ARSB: variants seen among roughly 807,000 people sequenced by gnomAD.
The protein encoded by ARSB is N-acetylgalactosamine-4-sulfatase.
ARSB carries 41 observed loss-of-function variants against 50.9 expected under a neutral mutation model. The ratio of observed to expected loss-of-function variants is 0.81; its 90% CI spans 0.63 to 1.04. The LOEUF (loss-of-function observed/expected upper bound fraction) is 1.04. Ranked by LOEUF, ARSB falls within the 50% of genes least tolerant of loss-of-function variation. The pLI is 0.00. For missense variants in ARSB, 672 were observed against 693.3 expected (o/e 0.97, Z 0.35); for synonymous variants, 269 against 284.8 (o/e 0.94, Z 0.56).
intron 4 of ARSB, among the ~76,000 whole-genome samples, chr5:78,941,233 G>C (rs1236975859): frequency 1.3e-5 from 2 of 151,318 alleles, no homozygotes; most frequent in African/African-American, 4.9e-5. Context: ...TCTGCAAACA[G>C]GGACAATTTG....
chr5:78,816,860 T>C (rs1431984902), intron 6 of ARSB, among the ~76,000 whole-genome samples: 1 of 152,276 alleles, frequency 6.6e-6, no homozygotes, highest in South Asian at 2.1e-4. Flanking sequence ...CTGAGCAAGC[T>C]TGGAAGAAGG....
chr5:78,793,674 C>G (rs1743066987), intron 6 of ARSB, among the ~76,000 whole-genome samples: 1 of 152,150 alleles, frequency 6.6e-6, no homozygotes, highest in Non-Finnish European at 1.5e-5. Flanking sequence ...ACTTCTTGAA[C>G]TAGTCCTAGT....
chr5:78,969,516 G>GA (rs1200683651), intron 1 of ARSB, among the ~76,000 whole-genome samples: 1 of 152,188 alleles, frequency 6.6e-6, no homozygotes, highest in Non-Finnish European at 1.5e-5. Context: ...AATCTAACAA[G>GA]AAAAAAGCGT....
At chr5:78,854,318 G>A (rs991567430) in intron 5 of ARSB, among the ~76,000 whole-genome samples, 14 of 152,160 alleles carry the variant, frequency 9.2e-5, no homozygotes, top group Admixed American at 3.9e-4. Context: ...ACATTGCTAC[G>A]TTGCTGATTG....
At chr5:78,837,844 G>C (rs1279716725) in intron 6 of ARSB, among the ~76,000 whole-genome samples, 1 of 152,130 alleles carries the variant, frequency 6.6e-6, no homozygotes, top group Non-Finnish European at 1.5e-5. Context: ...AATCTAGACT[G>C]TTCTTACAGT....
chr5:78,835,323 A>G (rs571146719), intron 6 of ARSB, among the ~76,000 whole-genome samples: 10 of 152,154 alleles, frequency 6.6e-5, no homozygotes, highest in African/African-American at 1.7e-4. Flanking sequence ...GTTGGCAGGG[A>G]GCGGGGGAGG....
intron 5 of ARSB, among the ~76,000 whole-genome samples, chr5:78,848,082 T>C (rs1581035211): frequency 6.6e-6 from 1 of 151,130 alleles, no homozygotes; most frequent in Admixed American, 6.6e-5. Flanking sequence ...TTTATTATTA[T>C]TATACTTTAA....
At chr5:78,809,776 C>T (rs1743740064) in intron 6 of ARSB, among the ~76,000 whole-genome samples, 1 of 152,288 alleles carries the variant, frequency 6.6e-6, no homozygotes, top group South Asian at 2.1e-4. Flanking sequence ...TGGAGCCAGC[C>T]TTGCCCTCTC....
At chr5:78,838,676 A>C (rs1162137422) in intron 6 of ARSB, among the ~76,000 whole-genome samples, 1 of 152,210 alleles carries the variant, frequency 6.6e-6, no homozygotes, top group African/African-American at 2.4e-5. Flanking sequence ...CTAATTGCTA[A>C]GGCTTTCTAT....
chr5:78,895,045 A>G (rs1405876179), intron 4 of ARSB, among the ~76,000 whole-genome samples: 1 of 152,198 alleles, frequency 6.6e-6, no homozygotes, highest in Non-Finnish European at 1.5e-5. Context: ...CCAACCAACC[A>G]AACAAACAAA....
rs148996407 is a variant in ARSB at position 78,798,706 on chromosome 5, C to T, written c.1214-16732G>A. On this transcript the variant is annotated intron_variant, in intron 6 of 7. Coordinates refer to ENST00000264914, the MANE Select transcript of ARSB (RefSeq NM_000046.5). ...TAATTTGGAAAAAGGGCCCTGCCCACGGAATCAGCCTTTTAATGGCTGTCA... is the reference window on the plus strand; with the variant it reads ...TAATTTGGAAAAAGGGCCCTGCCCATGGAATCAGCCTTTTAATGGCTGTCA... 8.5e-5 allele frequency among the ~76,000 whole-genome samples: 13 copies of T among 152,226 alleles called. 1 individual carries two copies. The highest frequency in any genetic ancestry group is 8.3e-4 in the South Asian group (4 of 4,834).
intron 5 of ARSB, among the ~76,000 whole-genome samples, chr5:78,841,706 A>AT (rs1404494618): frequency 1.3e-5 from 2 of 152,140 alleles, no homozygotes; most frequent in African/African-American, 2.4e-5. Flanking sequence ...CATTCATGTC[A>AT]TTTTTTTCAT....
chr5:78,839,555 G>T, intron 5 of ARSB, 129 bp from the exon 6 acceptor site: 1 of 839,120 alleles, frequency 1.2e-6, no homozygotes, highest in East Asian at 2.8e-5. Flanking sequence ...CATGAATTTG[G>T]AGGTCTCCAC....
intron 4 of ARSB, among the ~76,000 whole-genome samples, chr5:78,947,374 T>C (rs550265477): frequency 4.6e-5 from 7 of 152,226 alleles, no homozygotes; most frequent in African/African-American, 1.7e-4. Context: ...ATCTGCAAAC[T>C]ATCCATTTGA....
intron 4 of ARSB, among the ~76,000 whole-genome samples, chr5:78,924,310 A>G (rs1219045910): frequency 6.6e-6 from 1 of 152,228 alleles, no homozygotes; most frequent in African/African-American, 2.4e-5. Context: ...TCACCAAATT[A>G]GTAAGTGGTA....
intron 4 of ARSB, among the ~76,000 whole-genome samples, chr5:78,926,252 A>C (rs1382584978): frequency 1.3e-5 from 2 of 152,190 alleles, no homozygotes; most frequent in African/African-American, 4.8e-5. Context: ...CATCACAGCA[A>C]ACAAGTTAAG....
chr5:78,862,181 C>T (rs1330781567), intron 5 of ARSB, among the ~76,000 whole-genome samples: 1 of 152,122 alleles, frequency 6.6e-6, no homozygotes, highest in Non-Finnish European at 1.5e-5. Flanking sequence ...GTGAAAATGG[C>T]CATACTGCCC....
intron 6 of ARSB, among the ~76,000 whole-genome samples, chr5:78,782,658 A>C (rs892252248): frequency 6.6e-6 from 1 of 152,158 alleles, no homozygotes; most frequent in Non-Finnish European, 1.5e-5. Flanking sequence ...ACCACCTCTT[A>C]AGTTTGAAAC....
chr5:78,874,563 A>T (rs1051382819), intron 5 of ARSB, among the ~76,000 whole-genome samples: 1 of 152,122 alleles, frequency 6.6e-6, no homozygotes, highest in Non-Finnish European at 1.5e-5. Context: ...TAAAATATAA[A>T]TTTTTCTAAA....
Sources: gnomAD v4.1 joint callset for allele counts (sites outside exome capture counted in the v4.1 genomes callset) on GRCh38, gnomAD v4.1.1 for gene constraint, MANE v1.5 for transcripts, NCBI Gene and HGNC (gene_info 2026-07-23, HGNC 2026-07-21) for gene names.